The following KDM1A variants were observed in gnomAD, a reference collection of about 807,000 sequenced individuals.
KDM1A encodes the protein lysine-specific histone demethylase 1A.
In KDM1A, 49 loss-of-function variants were observed where a neutral mutation model predicts 109.4. The observed-to-expected ratio is 0.45, with a 90% CI of 0.36 to 0.57. The LOEUF (loss-of-function observed/expected upper bound fraction) is 0.57, where lower values mean the gene tolerates loss of function less well. Among genes scored for constraint, KDM1A ranks in the 20% least tolerant of loss-of-function variants. The probability of loss-of-function intolerance (pLI) is 0.00; values close to 1 mark genes in which losing one functional copy is unlikely to be tolerated. For missense variants in KDM1A, 668 were observed against 1,116.6 expected (o/e 0.60, Z 5.73); for synonymous variants, 380 against 415.4 (o/e 0.91, Z 1.04).
intron 9 of KDM1A, among the ~76,000 whole-genome samples, chr1:23,065,345 A>G (rs576908376): frequency 6.6e-6 from 1 of 152,330 alleles, no homozygotes; most frequent in South Asian, 2.1e-4. Flanking sequence ...ATTTCTAACT[A>G]GCTTGTTTTT....
chr1:23,056,359 T>G (rs1193409383), intron 7 of KDM1A, among the ~76,000 whole-genome samples: 1 of 152,118 alleles, frequency 6.6e-6, no homozygotes, highest in African/African-American at 2.4e-5. Context: ...TTTTTGATGG[T>G]GGAACAGAGT....
Position 23,079,024 on chromosome 1 carries a change from G to A in KDM1A, c.1902G>A (p.Thr634=), listed in dbSNP as rs768258018. ...TGATAGCTGTGAATACCCGCTCCAC[G>A]AGTCAAACCTTTATTTATAAATGCG... is the stretch of plus-strand genomic sequence containing the variant. ...CEVIAVNTRS[T]SQTFIYKCDA... Residue 634 remains threonine, a synonymous_variant, in exon 17 of 21, where the codon ACG becomes ACA. Transcript: ENST00000400181. The surrounding 1 kb of genome is among the most constrained non-coding windows in gnomAD (Gnocchi z 5.6). 27 of 1,614,050 alleles carry A rather than the reference G, an allele frequency of 1.7e-5. 1 individual carries two copies. Among genetic ancestry groups the A allele is most frequent in the East Asian group, 8.9e-5 (4 of 44,880 alleles).
At chr1:23,069,279 C>A in intron 12 of KDM1A, 128 bp downstream of exon 12, 1 of 557,272 alleles carries the variant, frequency 1.8e-6, no homozygotes, top group Non-Finnish European at 3.2e-6. Flanking sequence ...GGGACTCATT[C>A]TTAAGAAAAT....
chr1:23,037,065 C>G (rs1642167517), intron 2 of KDM1A, among the ~76,000 whole-genome samples: 1 of 151,534 alleles, frequency 6.6e-6, no homozygotes, highest in African/African-American at 2.4e-5. Context: ...TCACTTGAGG[C>G]CAGGAGTTTG....
chr1:23,082,005 G>GAA, intron 19 of KDM1A: 2 of 370,786 alleles, frequency 5.4e-6, no homozygotes, highest in Non-Finnish European at 4.6e-6. Context: ...TGGATTCATA[G>GAA]ACAGGAAGGC....
At position 23,079,051 on chromosome 1, in the gene KDM1A, C is replaced by G. The variant is rs772893561; in HGVS notation, c.1929C>G (p.Asp643Glu). 4.3e-6 allele frequency: 7 copies of G among 1,614,146 alleles called. No individual in the cohort carries two copies. The highest frequency in any genetic ancestry group is 3.4e-6 in the Non-Finnish European group (4 of 1,180,016). Reference sequence around the variant, plus strand: ...GTCAAACCTTTATTTATAAATGCGACGCAGTTCTCTGTACCCTTCCCCTGG... The same window carrying G: ...GTCAAACCTTTATTTATAAATGCGAGGCAGTTCTCTGTACCCTTCCCCTGG... ...STSQTFIYKC[D>E]AVLCTLPLGV... Residue 643 changes from aspartate to glutamate, a missense_variant, in exon 17 of 21, where the codon GAC becomes GAG. This residue lies in a region of KDM1A where 162 missense variants were observed against 376.4 expected (regional missense o/e 0.43). Transcript: ENST00000400181. The surrounding 1 kb of genome is among the most constrained non-coding windows in gnomAD (Gnocchi z 5.6).
chr1:23,081,693 A>T, intron 19 of KDM1A, 120 bp downstream of exon 19: 1 of 1,188,610 alleles, frequency 8.4e-7, no homozygotes, highest in Non-Finnish European at 1.2e-6. Context: ...GTGCTTTTAC[A>T]TGAATAATTA....
chr1:23,082,167 T>C, intron 19 of KDM1A, 53 bp from the exon 20 acceptor site: 2 of 1,585,508 alleles, frequency 1.3e-6, no homozygotes, highest in East Asian at 2.2e-5. Flanking sequence ...CTTTCAAGGA[T>C]TGATTTGTGC....
At chr1:23,052,584 G>A (rs1372190501) in intron 4 of KDM1A, among the ~76,000 whole-genome samples, 3 of 152,346 alleles carry the variant, frequency 2.0e-5, no homozygotes, top group African/African-American at 7.2e-5. Flanking sequence ...CATTTTGCAA[G>A]TATATACTCA....
intron 3 of KDM1A, 110 bp downstream of exon 3, chr1:23,044,596 G>T: frequency 1.1e-6 from 1 of 891,240 alleles, no homozygotes; most frequent in Non-Finnish European, 1.7e-6. Flanking sequence ...AGAAGCGCAG[G>T]TGAAATTTAA....
In KDM1A at chr1:23,034,760, G is replaced by T. The variant is rs546175179; in HGVS notation, c.517+4126G>T. On this transcript the variant is annotated intron_variant, in intron 2 of 20. Transcript: ENST00000400181. ...ACTCAAGATACATTCTGAGTTAGAA[G>T]TAGCTTAGTTGTACATAGCCTGAGA... is the stretch of plus-strand genomic sequence containing the variant. Among the ~76,000 whole-genome samples the T allele has an allele frequency of 3.3e-5, 5 of 152,244 alleles. No individual in the cohort carries two copies. The South Asian group carries it at 1.0e-3, about 32-fold the overall frequency.
At chr1:23,040,140 T>G (rs911120101) in intron 2 of KDM1A, among the ~76,000 whole-genome samples, 1 of 152,236 alleles carries the variant, frequency 6.6e-6, no homozygotes, top group African/African-American at 2.4e-5. Context: ...CTTCCTAGAT[T>G]TAGAAGTTTC....
At chr1:23,067,587 C>T (rs1643195368) in intron 10 of KDM1A, among the ~76,000 whole-genome samples, 1 of 152,152 alleles carries the variant, frequency 6.6e-6, no homozygotes, top group Admixed American at 6.6e-5. Context: ...TTTGTGTTAC[C>T]AGTTTTAGGT....
intron 9 of KDM1A, among the ~76,000 whole-genome samples, chr1:23,065,095 G>A (rs12136285): frequency 6.6e-6 from 1 of 152,144 alleles, no homozygotes; most frequent in Admixed American, 6.5e-5. Flanking sequence ...TTCTTTCTCA[G>A]GATACAAGTT....
At chr1:23,045,719 T>C (rs1376963181) in intron 3 of KDM1A, among the ~76,000 whole-genome samples, 1 of 152,060 alleles carries the variant, frequency 6.6e-6, no homozygotes, top group Non-Finnish European at 1.5e-5. Flanking sequence ...AAGTAAACAA[T>C]ATCATATATT....
intron 12 of KDM1A, among the ~76,000 whole-genome samples, chr1:23,069,498 G>A (rs1482009982): frequency 6.6e-6 from 1 of 152,044 alleles, no homozygotes; most frequent in Non-Finnish European, 1.5e-5. Flanking sequence ...GATAGCTAAT[G>A]AGCTTAAAAA....
At chr1:23,058,255 C>T (rs1027073520) in intron 8 of KDM1A, among the ~76,000 whole-genome samples, 5 of 152,014 alleles carry the variant, frequency 3.3e-5, no homozygotes, top group Non-Finnish European at 5.9e-5. Context: ...AATTCCTGGG[C>T]TCAAGCAGTG....
At position 23,019,616 on chromosome 1, in the gene KDM1A, C is replaced by A; in HGVS notation, c.20C>A (p.Ala7Glu). 2 of 1,419,876 alleles carry A rather than the reference C, an allele frequency of 1.4e-6. No homozygotes were observed. The highest frequency in any genetic ancestry group is 1.8e-6 in the Non-Finnish European group (2 of 1,096,382). 88.0% of individuals were successfully genotyped at this position (1,419,876 alleles called of 1,614,324 possible). MLSGKKAAAAAAAAAAA... is the reference protein window; with the variant it reads MLSGKKEAAAAAAAAAA... Reference sequence around the variant, plus strand: ...CCCGAGATGTTATCTGGGAAGAAGGCGGCAGCCGCGGCGGCGGCGGCTGCA... The same window carrying A: ...CCCGAGATGTTATCTGGGAAGAAGGAGGCAGCCGCGGCGGCGGCGGCTGCA... Residue 7 changes from alanine (A) to glutamate (E), a missense_variant, in exon 1 of 21, where the codon GCG becomes GAG. Ala to Glu is a moderately radical substitution (Grantham distance 107, BLOSUM62 -1). Transcript: ENST00000400181.
At chr1:23,081,797 G>T (rs1421054948) in intron 19 of KDM1A, 1 of 519,050 alleles carries the variant, frequency 1.9e-6, no homozygotes, top group Admixed American at 3.4e-5. Flanking sequence ...TTTCTCCTCC[G>T]GCTTTAGAGT....
Sources: allele counts gnomAD v4.1 joint callset (sites outside exome capture counted in the v4.1 genomes callset), GRCh38; gene constraint gnomAD v4.1.1; regional missense constraint gnomAD v4.1.1; non-coding constraint Gnocchi (gnomAD v3.1); transcripts MANE v1.5; gene names NCBI Gene and HGNC (gene_info 2026-07-23, HGNC 2026-07-21).